Variants in CNBD1 observed in about 807,000 individuals in gnomAD.
CNBD1 encodes the protein cyclic nucleotide-binding domain-containing protein 1.
Under a neutral mutation model 54.4 loss-of-function variants are expected in CNBD1, and 71 were observed. The ratio of observed to expected loss-of-function variants is 1.30; its 90% CI spans 1.08 to 1.59. CNBD1 has a LOEUF of 1.59. Among genes scored for constraint, CNBD1 ranks in the 40% most tolerant of loss-of-function variants. The pLI, the probability that CNBD1 is intolerant of heterozygous loss-of-function variation, is 0.00. For synonymous variants in CNBD1, 182 were observed against 170.7 expected, an observed-to-expected ratio of 1.07 and a Z score of -0.51; for missense variants, 659 against 518.0, an observed-to-expected ratio of 1.27 and a Z score of -2.64.
intron 4 of CNBD1, among the ~76,000 whole-genome samples, chr8:87,117,741 T>C (rs1229914661): frequency 6.6e-6 from 1 of 151,916 alleles, no homozygotes; most frequent in East Asian, 1.9e-4. Context: ...GCTAAAAGAA[T>C]ACAGCCTGGT....
At chr8:87,323,469 C>T (rs1235655139) in intron 8 of CNBD1, among the ~76,000 whole-genome samples, 1 of 124,676 alleles carries the variant, frequency 8.0e-6, no homozygotes, top group Non-Finnish European at 1.8e-5. Context: ...TTTGTATCCT[C>T]TTTTATTTCC....
intron 10 of CNBD1, among the ~76,000 whole-genome samples, chr8:87,355,588 G>C (rs1810404375): frequency 6.6e-6 from 1 of 152,070 alleles, no homozygotes; most frequent in Non-Finnish European, 1.5e-5. Context: ...CTAATAAGTT[G>C]TAACATAATA....
intron 10 of CNBD1, among the ~76,000 whole-genome samples, chr8:87,360,694 G>GT (rs1486376838): frequency 6.6e-6 from 1 of 151,810 alleles, no homozygotes; most frequent in Non-Finnish European, 1.5e-5. Flanking sequence ...AATTACTGAT[G>GT]TTTTTTATTA....
At chr8:86,873,238 A>T (rs1185881276) in intron 1 of CNBD1, among the ~76,000 whole-genome samples, 1 of 151,330 alleles carries the variant, frequency 6.6e-6, no homozygotes, top group Non-Finnish European at 1.5e-5. Flanking sequence ...GGTAGCTGGG[A>T]TTACAGGCAT....
Position 87,241,334 on chromosome 8 carries a change from G to T in CNBD1, c.771+4222G>T, listed in dbSNP as rs571788295. On this transcript the variant is annotated intron_variant, in intron 6 of 10. Transcript: ENST00000518476. The stretch of plus-strand genomic sequence containing the variant: ...CGCCCAGGCTGGAGTGCAGTGGCGC[G>T]ATCTCGGCTCACTGCAAGCTCTGCC... 8.4e-5 allele frequency among the ~76,000 whole-genome samples: 12 copies of T among 142,500 alleles called. No individual in the cohort carries two copies. The South Asian group carries it at 2.7e-3, about 32-fold the overall frequency. The allele number at this position is 142,500 out of a possible 152,430, so 93.5% of individuals were successfully genotyped here.
At chr8:86,971,655 G>C (rs570431762) in intron 4 of CNBD1, among the ~76,000 whole-genome samples, 1 of 152,048 alleles carries the variant, frequency 6.6e-6, no homozygotes, top group African/African-American at 2.4e-5. Flanking sequence ...GTTCCATAGA[G>C]TTTCTATACT....
chr8:87,394,536 G>C lies in CNBD1; in HGVS notation c.214-34010G>C, dbSNP rs536955732. Among the ~76,000 whole-genome samples, 10 of 151,990 alleles carry C rather than the reference G, an allele frequency of 6.6e-5. No homozygotes were observed. The South Asian group carries it at 1.7e-3, about 25-fold the overall frequency. On this transcript the variant is annotated intron_variant, in intron 2 of 7. Coordinates refer to the CNBD1 transcript ENST00000521593. ...CCCCACATAAAAGAATAAGTGGTGA[G>C]AAAGGTTAGCACAATTATTCCTGTT...
intron 6 of CNBD1, among the ~76,000 whole-genome samples, chr8:87,244,883 G>T (rs1415863949): frequency 6.6e-6 from 1 of 151,892 alleles, no homozygotes; most frequent in African/African-American, 2.4e-5. Flanking sequence ...ACTGATAGAG[G>T]ATTTAATCTA....
chr8:87,411,173 A>G (rs1490879470), intron 2 of CNBD1, among the ~76,000 whole-genome samples: 2 of 151,584 alleles, frequency 1.3e-5, no homozygotes, highest in African/African-American at 2.4e-5. Context: ...TGCTTTACTT[A>G]CCTGTCTCTA....
chr8:87,041,072 A>G (rs6997407), intron 4 of CNBD1, among the ~76,000 whole-genome samples: 1 of 152,076 alleles, frequency 6.6e-6, no homozygotes, highest in African/African-American at 2.4e-5. Context: ...AAGTAATAGC[A>G]AAAACTGCAA....
intron 2 of CNBD1, among the ~76,000 whole-genome samples, chr8:87,392,583 A>G (rs1436004274): frequency 3.3e-5 from 5 of 152,044 alleles, no homozygotes; most frequent in Non-Finnish European, 4.4e-5. Flanking sequence ...GATTTCATTT[A>G]TATGAAATGC....
chr8:86,932,946 A>G (rs553436921), intron 3 of CNBD1, among the ~76,000 whole-genome samples: 6 of 152,106 alleles, frequency 3.9e-5, no homozygotes, highest in African/African-American at 1.2e-4. Flanking sequence ...CTAGATCACA[A>G]AGAGGACCAA....
At chr8:87,051,321 T>A (rs1810306971) in intron 4 of CNBD1, among the ~76,000 whole-genome samples, 1 of 152,106 alleles carries the variant, frequency 6.6e-6, no homozygotes, top group Admixed American at 6.6e-5. Context: ...ACCTCCAGAA[T>A]CACCCAGGGC....
At chr8:87,409,602 TG>T (rs1292009409) in intron 2 of CNBD1, among the ~76,000 whole-genome samples, 9 of 152,144 alleles carry the variant, frequency 5.9e-5, no homozygotes, top group African/African-American at 2.2e-4. Flanking sequence ...GAGAAGTCAA[TG>T]CCTGGTTTCA....
intron 4 of CNBD1, among the ~76,000 whole-genome samples, chr8:87,133,807 G>C (rs2130729558): frequency 6.6e-6 from 1 of 152,092 alleles, no homozygotes; most frequent in South Asian, 2.1e-4. Flanking sequence ...CTTCAATTCT[G>C]ATAATTAGGA....
At chr8:87,151,128 A>G (rs923814511) in intron 4 of CNBD1, among the ~76,000 whole-genome samples, 3 of 152,184 alleles carry the variant, frequency 2.0e-5, no homozygotes, top group African/African-American at 7.2e-5. Flanking sequence ...GAAAGACTGC[A>G]GGTACCTTGG....
chr8:87,414,625 T>G (rs1807807190), intron 2 of CNBD1, among the ~76,000 whole-genome samples: 1 of 152,116 alleles, frequency 6.6e-6, no homozygotes, highest in African/African-American at 2.4e-5. Flanking sequence ...TTATATCATG[T>G]AACATATAAT....
chr8:87,267,886 A>C (rs1035759470), intron 6 of CNBD1, among the ~76,000 whole-genome samples: 1 of 152,216 alleles, frequency 6.6e-6, no homozygotes, highest in African/African-American at 2.4e-5. Context: ...AATAAAATTC[A>C]AAGTGTTTAT....
chr8:86,884,925 C>T (rs1469514014), intron 1 of CNBD1, among the ~76,000 whole-genome samples: 1 of 152,198 alleles, frequency 6.6e-6, no homozygotes, highest in Non-Finnish European at 1.5e-5. Context: ...TCTGACATTT[C>T]CGCAGGATCA....
Sources: allele counts gnomAD v4.1 joint callset (sites outside exome capture counted in the v4.1 genomes callset), GRCh38; gene constraint gnomAD v4.1.1; transcripts MANE v1.5; gene names NCBI Gene and HGNC (gene_info 2026-07-23, HGNC 2026-07-21).